Variants in MAP3K4 observed in about 807,000 individuals in gnomAD.
The protein encoded by MAP3K4 is MAP three kinase 1.
A neutral mutation model predicts 185.6 loss-of-function variants in MAP3K4; 67 were observed. That is an observed-to-expected ratio of 0.36 (90% CI 0.30 to 0.44). The LOEUF (loss-of-function observed/expected upper bound fraction) is 0.44, where lower values mean the gene tolerates loss of function less well. Ranked by LOEUF, MAP3K4 falls within the 20% of genes least tolerant of loss-of-function variation. MAP3K4 has a pLI of 1.00. For synonymous variants in MAP3K4, 702 were observed against 710.4 expected (o/e 0.99, Z 0.19); for missense variants, 1,551 against 1,995.1 (o/e 0.78, Z 4.24).
At chr6:161,099,871 T>C (rs1311647225) in intron 17 of MAP3K4, among the ~76,000 whole-genome samples, 2 of 152,242 alleles carry the variant, frequency 1.3e-5, no homozygotes, top group East Asian at 1.9e-4. Context: ...TCATGGAGTT[T>C]AGTCTTTGCA....
rs74377337 is a variant in MAP3K4 at position 161,098,392 on chromosome 6, G to A, written c.3639G>A (p.Val1213=). Residue 1213 remains valine, a synonymous_variant, in exon 17 of 27, where the codon GTG becomes GTA. Transcript: ENST00000392142. This position sits in a 1 kb window ranked among gnomAD's most constrained non-coding sequence, Gnocchi z 4.4. The part of the protein sequence containing the change: ...SRPSPSGGDS[V]LPKSISSAHD... ...CCAGCCCCTCTGGTGGTGACTCTGT[G>A]CTGCCCAAATCCATCAGCAGTGCCC... The A allele has an allele frequency of 5.8e-4, 933 of 1,613,922 alleles. 10 individuals are homozygous for A. The East Asian group carries it at 0.017, about 30-fold the overall frequency.
rs1184107037 is a variant in MAP3K4 at position 161,041,912 on chromosome 6, C to CTTTTTTTTTTTTTTT, written c.344-6691_344-6690insTTTTTTTTTTTTTTT. On this transcript the variant is annotated intron_variant, in intron 2 of 26. Coordinates refer to ENST00000392142, the MANE Select transcript of MAP3K4 (RefSeq NM_005922.4). ...GGGTAAAGGCCTTGAGTTATTGTTT[C>CTTTTTTTTTTTTTTT]TTTTTTTTTTTTTCTTTTTTTTTTT... is the stretch of plus-strand genomic sequence containing the variant. Among the ~76,000 whole-genome samples, 10 of 64,042 alleles carry CTTTTTTTTTTTTTTT rather than the reference C, an allele frequency of 1.6e-4. 1 individual carries two copies. The highest frequency in any genetic ancestry group is 5.7e-4 in the African/African-American group (9 of 15,872). The allele number at this position is 64,042 out of a possible 152,430, so 42.0% of individuals were successfully genotyped here. A position where few individuals can be genotyped will look rare whatever the true frequency, so the allele number is the denominator to read the frequency against.
chr6:161,041,932 T>TTTTTTTTTC (rs1562499586), intron 2 of MAP3K4, among the ~76,000 whole-genome samples: 1 of 135,012 alleles, frequency 7.4e-6, no homozygotes, highest in African/African-American at 2.8e-5. Flanking sequence ...TTTTCTTTTT[T>TTTTTTTTTC]TTTTTTTTAG....
chr6:161,102,619 ATTACC>A, intron 18 of MAP3K4, 75 bp from the exon 19 acceptor site: 1 of 951,190 alleles, frequency 1.1e-6, no homozygotes, highest in East Asian at 2.8e-5. Context: ...GCTTTTAACC[ATTACC>A]TTTCCTTTCA....
Position 161,098,567 on chromosome 6 carries a change from A to C in MAP3K4, c.3674+140A>C. ...TGAGTGATGCTCTAGGGCCTTCCGC[A>C]GGTTGTCACGGCCCAGAGGCTCTGG... is the stretch of plus-strand genomic sequence containing the variant. On this transcript the variant is annotated intron_variant, in intron 17 of 26. Coordinates refer to ENST00000392142, the MANE Select transcript of MAP3K4 (RefSeq NM_005922.4). The surrounding 1 kb of genome is among the most constrained non-coding windows in gnomAD (Gnocchi z 4.4). 1.0e-6 allele frequency: 1 copy of C among 967,372 alleles called. No homozygotes were observed. Among genetic ancestry groups the C allele is most frequent in the Admixed American group, 2.8e-5 (1 of 36,322 alleles). The allele number at this position is 967,372 out of a possible 1,614,324, so 59.9% of individuals were successfully genotyped here. A position where few individuals can be genotyped will look rare whatever the true frequency, so the allele number is the denominator to read the frequency against.
At position 161,088,374 on chromosome 6, in the gene MAP3K4, A is replaced by G. The variant is rs1260824576; in HGVS notation, c.2823+420A>G. Among the ~76,000 whole-genome samples the G allele has an allele frequency of 1.3e-5, 2 of 152,204 alleles. No individual in the cohort carries two copies. The highest frequency in any genetic ancestry group is 3.8e-4 in the East Asian group (2 of 5,200). On this transcript the variant is annotated intron_variant, in intron 10 of 26. Coordinates refer to ENST00000392142, the MANE Select transcript of MAP3K4 (RefSeq NM_005922.4). This position sits in a 1 kb window ranked among gnomAD's most constrained non-coding sequence, Gnocchi z 4.5. ...CCCTACCTAACAGGGACCTCGTGACAGTTTCTATAACTCATTAGTTATAAA... is the reference window on the plus strand; with the variant it reads ...CCCTACCTAACAGGGACCTCGTGACGGTTTCTATAACTCATTAGTTATAAA...
intron 25 of MAP3K4, among the ~76,000 whole-genome samples, chr6:161,113,882 C>A (rs1465207010): frequency 7.0e-6 from 1 of 142,228 alleles, no homozygotes; most frequent in African/African-American, 2.6e-5. Flanking sequence ...ACTGCAACCT[C>A]CGCCTCCCGG....
rs893123589 is a variant in MAP3K4 at position 161,077,342 on chromosome 6, A to G, written c.2098-3539A>G. 6.6e-6 allele frequency among the ~76,000 whole-genome samples: 1 copy of G among 152,250 alleles called. No individual in the cohort carries two copies. The highest frequency in any genetic ancestry group is 2.4e-5 in the African/African-American group (1 of 41,466). ...GAAAAATCAACAAGAACATATCTAA[A>G]GCAAATATGACAAAATACTAACATT... On this transcript the variant is annotated intron_variant, in intron 5 of 26. Coordinates refer to ENST00000392142, the MANE Select transcript of MAP3K4 (RefSeq NM_005922.4). This position sits in a 1 kb window ranked among gnomAD's most constrained non-coding sequence, Gnocchi z 4.3.
At chr6:161,029,079 C>T (rs1190852390) in intron 1 of MAP3K4, among the ~76,000 whole-genome samples, 2 of 152,202 alleles carry the variant, frequency 1.3e-5, no homozygotes, top group East Asian at 3.8e-4. Context: ...TCCCTCCTCT[C>T]TTTCCCCCAA....
rs1325732339 is a variant in MAP3K4 at position 161,075,188 on chromosome 6, T to A, written c.2097+1576T>A. Among the ~76,000 whole-genome samples the A allele has an allele frequency of 6.6e-6, 1 of 152,252 alleles. No individual in the cohort carries two copies. Among genetic ancestry groups the A allele is most frequent in the Non-Finnish European group, 1.5e-5 (1 of 68,042 alleles). ...TTTCTTTTTTGAGATAGAGTTTTGC[T>A]CTGTCACCTAGACTGAAACGCAGTG... On this transcript the variant is annotated intron_variant, in intron 5 of 26. Transcript: ENST00000392142. This position sits in a 1 kb window ranked among gnomAD's most constrained non-coding sequence, Gnocchi z 4.3.
Position 161,116,991 on chromosome 6 carries a change from A to G in MAP3K4, c.*121A>G. ...AACCTTCCAAGACTGAAGACTGCACAGGTGACAAGCGTCACTTCTCCTGCT... is the reference window on the plus strand; with the variant it reads ...AACCTTCCAAGACTGAAGACTGCACGGGTGACAAGCGTCACTTCTCCTGCT... On this transcript the variant is annotated 3_prime_UTR_variant, in exon 27 of 27. Transcript: ENST00000392142. This position sits in a 1 kb window ranked among gnomAD's most constrained non-coding sequence, Gnocchi z 6.2. 1.1e-6 allele frequency: 1 copy of G among 895,716 alleles called. No homozygotes were observed. The highest frequency in any genetic ancestry group is 1.7e-5 in the African/African-American group (1 of 60,082). 55.5% of individuals were successfully genotyped at this position (895,716 alleles called of 1,614,324 possible). A position where few individuals can be genotyped will look rare whatever the true frequency, so the allele number is the denominator to read the frequency against.
Position 161,007,168 on chromosome 6 carries a change from C to G in MAP3K4, c.152+15085C>G, listed in dbSNP as rs1227683129. On this transcript the variant is annotated intron_variant, in intron 1 of 26. Transcript: ENST00000392142. This position sits in a 1 kb window ranked among gnomAD's most constrained non-coding sequence, Gnocchi z 4.5. Reference sequence around the variant, plus strand: ...ACAAGGCACAGGGGAACCCAGAGGTCTTGTTACTTGGGTGGAGTCAACAGG... The same window carrying G: ...ACAAGGCACAGGGGAACCCAGAGGTGTTGTTACTTGGGTGGAGTCAACAGG... 6.6e-6 allele frequency among the ~76,000 whole-genome samples: 1 copy of G among 152,132 alleles called. No individual in the cohort carries two copies. Among genetic ancestry groups the G allele is most frequent in the Non-Finnish European group, 1.5e-5 (1 of 68,032 alleles).
At chr6:160,995,522 A>G (rs1583078110) in intron 1 of MAP3K4, among the ~76,000 whole-genome samples, 1 of 152,288 alleles carries the variant, frequency 6.6e-6, no homozygotes, top group East Asian at 1.9e-4. Context: ...CTGACCCAAG[A>G]GTGTTATGCA....
chr6:161,024,873 A>G (rs1451029623), intron 1 of MAP3K4, among the ~76,000 whole-genome samples: 1 of 152,158 alleles, frequency 6.6e-6, no homozygotes, highest in Admixed American at 6.5e-5. Context: ...CCTTGAGAGG[A>G]AAGTATGTAA....
chr6:161,081,069 C>G, intron 6 of MAP3K4, 31 bp downstream of exon 6: 1 of 1,605,178 alleles, frequency 6.2e-7, no homozygotes, highest in Non-Finnish European at 8.5e-7. Context: ...GAACGCGACG[C>G]TCCCACCTTC....
At position 161,009,350 on chromosome 6, in the gene MAP3K4, C is replaced by G. The variant is rs1209775654; in HGVS notation, c.152+17267C>G. On this transcript the variant is annotated intron_variant, in intron 1 of 26. Coordinates refer to ENST00000392142, the MANE Select transcript of MAP3K4 (RefSeq NM_005922.4). The stretch of plus-strand genomic sequence containing the variant: ...CATTTATTTACACTATTGATGCAAC[C>G]AATTTCCAGAGCTCTTTTTATCTTG... Among the ~76,000 whole-genome samples, 3 of 152,092 alleles carry G rather than the reference C, an allele frequency of 2.0e-5. No homozygotes were observed. In the East Asian group the frequency reaches 5.8e-4, roughly 29 times the overall value.
Position 161,086,626 on chromosome 6 carries a change from A to G in MAP3K4, c.2515A>G (p.Arg839Gly). ...AGAATTCAGGCTTTCAGCCCCAGTT[A>G]GAGACCTCCTGGATGTTCTGAAATC... is the stretch of plus-strand genomic sequence containing the variant. ...AAEFRLSAPV[R>G]DLLDVLKSKQ... The change falls in exon 9 of 27, where the codon AGA (arginine) becomes GGA (glycine). Residue 839 changes from arginine (R) to glycine (G), a missense_variant. Around this residue, in one of 16 missense-constraint regions of MAP3K4, gnomAD observed 261 missense variants for 306.5 expected, o/e 0.85. Transcript: ENST00000392142. This position sits in a 1 kb window ranked among gnomAD's most constrained non-coding sequence, Gnocchi z 4.8. 6.2e-7 allele frequency: 1 copy of G among 1,614,116 alleles called. No individual in the cohort carries two copies. Among genetic ancestry groups the G allele is most frequent in the Non-Finnish European group, 8.5e-7 (1 of 1,179,992 alleles).
intron 11 of MAP3K4, among the ~76,000 whole-genome samples, chr6:161,090,444 A>G (rs1242087562): frequency 6.7e-6 from 1 of 149,172 alleles, no homozygotes; most frequent in East Asian, 2.0e-4. Flanking sequence ...GCATTGTAGG[A>G]TGTTTAGAGC....
At position 161,076,325 on chromosome 6, in the gene MAP3K4, T is replaced by C. The variant is rs574334912; in HGVS notation, c.2097+2713T>C. 6.6e-6 allele frequency among the ~76,000 whole-genome samples: 1 copy of C among 152,310 alleles called. No homozygotes were observed. The highest frequency in any genetic ancestry group is 6.5e-5 in the Admixed American group (1 of 15,294). ...GCGCGAGCTATACCGCAGCCTTCTC[T>C]GGTTGTCAGGAAGACTGCCGAATGG... On this transcript the variant is annotated intron_variant, in intron 5 of 26. Transcript: ENST00000392142. This position sits in a 1 kb window ranked among gnomAD's most constrained non-coding sequence, Gnocchi z 4.2.
Sources: allele counts gnomAD v4.1 joint callset (sites outside exome capture counted in the v4.1 genomes callset), GRCh38; gene constraint gnomAD v4.1.1; regional missense constraint gnomAD v4.1.1; non-coding constraint Gnocchi (gnomAD v3.1); transcripts MANE v1.5; gene names NCBI Gene and HGNC (gene_info 2026-07-23, HGNC 2026-07-21).